The following SIRT1 variants were observed in gnomAD, a reference collection of about 807,000 sequenced individuals.
The protein encoded by SIRT1 is NAD-dependent protein deacetylase sirtuin-1.
SIRT1 carries 24 observed loss-of-function variants against 67.9 expected under a neutral mutation model. That is an observed-to-expected ratio of 0.35 (90% CI 0.26 to 0.50). The LOEUF is 0.50. SIRT1 is among the 20% of genes least tolerant of loss of function. The pLI is 0.98. For synonymous variants in SIRT1, 378 were observed against 350.7 expected (o/e 1.08, Z -0.87); for missense variants, 873 against 937.2 (o/e 0.93, Z 0.89).
At chr10:67,905,630 A>G (rs2224573) in intron 4 of SIRT1, among the ~76,000 whole-genome samples, 81,627 of 151,992 alleles carry the variant, frequency 0.54, 23,540 homozygotes, top group Non-Finnish European at 0.66. Flanking sequence ...ACTTTTTTGT[A>G]TAATGTCAGA....
intron 5 of SIRT1, 115 bp from the exon 6 acceptor site, chr10:67,907,930 AC>A: frequency 1.2e-6 from 1 of 837,094 alleles, no homozygotes; most frequent in Non-Finnish European, 1.8e-6. Context: ...AAAAACAAAA[AC>A]AAAAATCCTT....
chr10:67,917,760 A>G lies in SIRT1; in HGVS notation c.*1167A>G, dbSNP rs964026126. ...CTTGTAATAGCAGAATAGTTAATGA[A>G]TGAAACTAGTTCTTATAATTTATCT... On this transcript the variant is annotated 3_prime_UTR_variant, in exon 9 of 9. Coordinates refer to ENST00000212015, the MANE Select transcript of SIRT1 (RefSeq NM_012238.5). 2 of 152,666 alleles carry G rather than the reference A, an allele frequency of 1.3e-5. No homozygotes were observed. The highest frequency in any genetic ancestry group is 1.3e-4 in the Admixed American group (2 of 15,284). The allele number at this position is 152,666 out of a possible 1,614,324, so 9.5% of individuals were successfully genotyped here. A position where few individuals can be genotyped will look rare whatever the true frequency, so the allele number is the denominator to read the frequency against.
At chr10:67,887,302 C>T (rs1361871376) in intron 1 of SIRT1, 115 bp from the exon 2 acceptor site, 1 of 692,222 alleles carries the variant, frequency 1.4e-6, no homozygotes, top group East Asian at 2.7e-5. Context: ...ATGCTTTACA[C>T]ACGCCGTGTA....
At chr10:67,909,101 C>A (rs957613549) in intron 6 of SIRT1, among the ~76,000 whole-genome samples, 155 bp from the exon 7 acceptor site, 3 of 151,776 alleles carry the variant, frequency 2.0e-5, no homozygotes, top group Admixed American at 2.0e-4. Flanking sequence ...ATAAACTACC[C>A]ATCATTGACA....
At chr10:67,889,993 T>C (rs994617460) in intron 3 of SIRT1, among the ~76,000 whole-genome samples, 1 of 152,128 alleles carries the variant, frequency 6.6e-6, no homozygotes, top group African/African-American at 2.4e-5. Context: ...TTTTTCTTTT[T>C]TTTGGATACA....
rs142142254 is a variant in SIRT1 at position 67,887,673 on chromosome 10, T to C, written c.547+140T>C. 680 of 536,080 alleles carry C rather than the reference T, an allele frequency of 1.3e-3. 8 individuals carry two copies. The highest frequency in any genetic ancestry group is 0.012 in the African/African-American group (632 of 51,662). The allele number at this position is 536,080 out of a possible 1,614,324, so 33.2% of individuals were successfully genotyped here. On this transcript the variant is annotated intron_variant, in intron 2 of 8. Transcript: ENST00000212015. ...CTCACCGTACCCTCCGCCTTCCAGG[T>C]TCAAGCGATTCTCCTGCCTCAGCCT...
Position 67,906,948 on chromosome 10 carries a change from T to G in SIRT1, c.1090+11T>G. ...TAATTCAGTGTCATGGTTAGTAAAC[T>G]TCAGAGTGGTTTTCTGTAATTTATT... On this transcript the variant is annotated intron_variant, in intron 5 of 8. Transcript: ENST00000212015. The G allele has an allele frequency of 1.9e-6, 3 of 1,553,118 alleles. No homozygotes were observed. Among genetic ancestry groups the G allele is most frequent in the Non-Finnish European group, 2.6e-6 (3 of 1,156,210 alleles).
At position 67,917,137 on chromosome 10, in the gene SIRT1, TA is replaced by T. The variant is rs1158472210; in HGVS notation, c.*548del. 1 of 152,642 alleles carries T rather than the reference TA, an allele frequency of 6.6e-6. No homozygotes were observed. Among genetic ancestry groups the T allele is most frequent in the Non-Finnish European group, 1.5e-5 (1 of 68,030 alleles). 9.5% of individuals were successfully genotyped at this position (152,642 alleles called of 1,614,324 possible). ...TCCAAAACTGTGGCAGCTAACTTTT[TA>T]AAATCTCAAATGACATGCAGTGTGA... On this transcript the variant is annotated 3_prime_UTR_variant, in exon 9 of 9. Transcript: ENST00000212015.
chr10:67,904,844 CAAAAA>C lies in SIRT1; in HGVS notation c.943-1934_943-1930del, dbSNP rs34104914. ...GGGCAAAAAGAGCGAAACTCTGTCT[CAAAAA>C]AAAAAAAAAAAGCAGGCTTATAAAA... On this transcript the variant is annotated intron_variant, in intron 4 of 8. Transcript: ENST00000212015. Among the ~76,000 whole-genome samples, 115 of 127,174 alleles carry C rather than the reference CAAAAA, an allele frequency of 9.0e-4. 1 individual carries two copies. The highest frequency in any genetic ancestry group is 1.2e-3 in the Non-Finnish European group (77 of 62,272). 83.4% of individuals were successfully genotyped at this position (127,174 alleles called of 152,430 possible). A position where few individuals can be genotyped will look rare whatever the true frequency, so the allele number is the denominator to read the frequency against.
rs759592005 is a variant in SIRT1, at chr10:67,913,046, C to T, written c.1915+15C>T. Reference sequence around the variant, plus strand: ...GCGGCTTGATGGTAAGAAAGGCAGTCGGACCATTTTGAAAGTATAAATGTC... The same window carrying T: ...GCGGCTTGATGGTAAGAAAGGCAGTTGGACCATTTTGAAAGTATAAATGTC... On this transcript the variant is annotated intron_variant, in intron 8 of 8. Coordinates refer to ENST00000212015, the MANE Select transcript of SIRT1 (RefSeq NM_012238.5). The T allele has an allele frequency of 2.5e-6, 4 of 1,575,700 alleles. No homozygotes were observed. Among genetic ancestry groups the T allele is most frequent in the East Asian group, 2.2e-5 (1 of 44,670 alleles).
chr10:67,885,443 C>T (rs755559345), intron 1 of SIRT1: 154 of 1,187,840 alleles, frequency 1.3e-4, no homozygotes, highest in Non-Finnish European at 1.5e-4. Flanking sequence ...TTTCTCTCCC[C>T]CTCTTACTCT....
intron 4 of SIRT1, among the ~76,000 whole-genome samples, chr10:67,900,387 C>G (rs35012098): frequency 6.6e-6 from 1 of 152,054 alleles, no homozygotes; most frequent in Non-Finnish European, 1.5e-5. Flanking sequence ...TCAGGTGATC[C>G]GCCCACCTTG....
At chr10:67,904,442 C>T (rs920149430) in intron 4 of SIRT1, among the ~76,000 whole-genome samples, 12 of 152,092 alleles carry the variant, frequency 7.9e-5, no homozygotes, top group African/African-American at 2.4e-4. Flanking sequence ...TGTACTACTA[C>T]TTTTAGTTTG....
chr10:67,896,187 G>A (rs957604227), intron 4 of SIRT1, among the ~76,000 whole-genome samples: 4 of 152,124 alleles, frequency 2.6e-5, no homozygotes, highest in Admixed American at 6.5e-5. Flanking sequence ...TCACTCTGTC[G>A]AGCCATCACA....
chr10:67,891,597 G>GAA, intron 4 of SIRT1, 43 bp downstream of exon 4: 1 of 1,598,638 alleles, frequency 6.3e-7, no homozygotes, highest in Non-Finnish European at 8.5e-7. Context: ...CTTCTCTCAT[G>GAA]AAAAAGTATT....
chr10:67,908,030 T>A lies in SIRT1; in HGVS notation c.1091-16T>A. On this transcript the variant is annotated splice_polypyrimidine_tract_variant and intron_variant, in intron 5 of 8. Transcript: ENST00000212015. The stretch of plus-strand genomic sequence containing the variant: ...ATACTTCTTTAATAAAGCATATATA[T>A]GTTGTTTGTTTTTAGGTTCCTTTGC... 6.2e-7 allele frequency: 1 copy of A among 1,601,094 alleles called. No individual in the cohort carries two copies. The highest frequency in any genetic ancestry group is 8.6e-7 in the Non-Finnish European group (1 of 1,169,084).
chr10:67,910,442 A>T (rs1377568812), intron 7 of SIRT1, among the ~76,000 whole-genome samples: 1 of 152,216 alleles, frequency 6.6e-6, no homozygotes, highest in Non-Finnish European at 1.5e-5. Context: ...AAATTAAGAC[A>T]AAGGTAGAGT....
At chr10:67,896,156 C>CT (rs1842654843) in intron 4 of SIRT1, among the ~76,000 whole-genome samples, 1 of 152,066 alleles carries the variant, frequency 6.6e-6, no homozygotes, top group Admixed American at 6.6e-5. Context: ...CTGGATTTTT[C>CT]TTTTTGTTTC....
rs199626380 is a variant in SIRT1 at position 67,916,256 on chromosome 10, G to T, written c.1916-9G>T. ...AACTGAAAGTAACATTTTTATTACT[G>T]TATTTCAGGTAATCAGTATCTGTTT... On this transcript the variant is annotated splice_polypyrimidine_tract_variant and intron_variant, in intron 8 of 8. Coordinates refer to ENST00000212015, the MANE Select transcript of SIRT1 (RefSeq NM_012238.5). The T allele has an allele frequency of 1.8e-4, 282 of 1,590,522 alleles. No homozygotes were observed. In the Middle Eastern group the frequency reaches 2.3e-3, roughly 13 times the overall value.
Sources: gnomAD v4.1 joint callset for allele counts (sites outside exome capture counted in the v4.1 genomes callset) on GRCh38, gnomAD v4.1.1 for gene constraint, MANE v1.5 for transcripts, NCBI Gene and HGNC (gene_info 2026-07-23, HGNC 2026-07-21) for gene names.